Variants in COL1A2 observed in about 807,000 individuals in gnomAD.
The protein encoded by COL1A2 is collagen alpha-2(I) chain.
In COL1A2, 49 loss-of-function variants were observed where a neutral mutation model predicts 174.3. The observed-to-expected ratio is 0.28, with a 90% confidence interval of 0.22 to 0.36. COL1A2 has a LOEUF of 0.36. Among genes scored for constraint, COL1A2 ranks in the 10% least tolerant of loss-of-function variants. The pLI is 1.00. For synonymous variants in COL1A2, 655 were observed against 606.6 expected (o/e 1.08, Z -1.17); for missense variants, 1,438 against 1,822.7 (o/e 0.79, Z 3.84).
intron 31 of COL1A2, among the ~76,000 whole-genome samples, chr7:94,417,256 T>G (rs1792061093): frequency 6.6e-6 from 1 of 152,188 alleles, no homozygotes; most frequent in Non-Finnish European, 1.5e-5. Context: ...CAACAGGTTT[T>G]AAGTATGTGG....
chr7:94,404,807 T>G, intron 8 of COL1A2, 32 bp from the exon 9 acceptor site: 1 of 1,614,174 alleles, frequency 6.2e-7, no homozygotes, highest in African/African-American at 1.3e-5. Flanking sequence ...GAATATAACC[T>G]TAGTGAAATG....
chr7:94,399,493 A>C (rs1488817415), intron 4 of COL1A2, among the ~76,000 whole-genome samples: 3 of 152,188 alleles, frequency 2.0e-5, no homozygotes, highest in Admixed American at 2.0e-4. Context: ...CTCTGCTCAA[A>C]TTCATGCATG....
intron 33 of COL1A2, among the ~76,000 whole-genome samples, chr7:94,418,973 A>G (rs1792097911): frequency 1.3e-5 from 2 of 150,736 alleles, no homozygotes; most frequent in African/African-American, 4.9e-5. Flanking sequence ...TTTATCACCC[A>G]AAGAGCAGCC....
At chr7:94,419,654 C>A in intron 34 of COL1A2, 103 bp downstream of exon 34, 2 of 1,275,014 alleles carry the variant, frequency 1.6e-6, no homozygotes, top group Non-Finnish European at 2.3e-6. Context: ...TGGTATAAAG[C>A]CTACTTATTT....
At chr7:94,425,046 T>A in intron 41 of COL1A2, 71 bp from the exon 42 acceptor site, 1 of 1,300,022 alleles carries the variant, frequency 7.7e-7, no homozygotes, top group Non-Finnish European at 1.1e-6. Flanking sequence ...CTGAGTAGGG[T>A]TGTTTTGGAG....
chr7:94,409,257 C>G, intron 16 of COL1A2, 65 bp from the exon 17 acceptor site: 1 of 1,416,522 alleles, frequency 7.1e-7, no homozygotes, highest in Non-Finnish European at 1.0e-6. Flanking sequence ...AACTTGGCAT[C>G]TTAAAAACAG....
chr7:94,407,927 G>A (rs1306038562), intron 13 of COL1A2, 36 bp downstream of exon 13: 1 of 1,575,102 alleles, frequency 6.3e-7, no homozygotes, highest in African/African-American at 1.3e-5. Flanking sequence ...ATTTAAATGT[G>A]TACACTCTTT....
At chr7:94,412,510 C>T (rs1459280437) in intron 24 of COL1A2, 74 bp from the exon 25 acceptor site, 5 of 1,115,680 alleles carry the variant, frequency 4.5e-6, no homozygotes, top group Admixed American at 3.8e-5. Flanking sequence ...CTGTTTCATC[C>T]GTGGCAGCAT....
At chr7:94,415,697 G>A (rs550391368) in intron 30 of COL1A2, among the ~76,000 whole-genome samples, 9 of 152,236 alleles carry the variant, frequency 5.9e-5, no homozygotes, top group African/African-American at 1.7e-4. Flanking sequence ...ATGGGTATTA[G>A]CATCACTGAA....
chr7:94,427,757 A>G lies in COL1A2; in HGVS notation c.3398A>G (p.Tyr1133Cys). Residue 1133 changes from tyrosine to cysteine, a missense_variant, in exon 49 of 52, where the codon TAT becomes TGT. Around this residue, in one of 3 missense-constraint regions of COL1A2, gnomAD observed 290 missense variants for 298.1 expected, o/e 0.97. Coordinates refer to ENST00000297268, the MANE Select transcript of COL1A2 (RefSeq NM_000089.4). ...RSAPSLRPKD[Y>C]EVDATLKSLN... is the part of the protein sequence containing the mutation. ...GCACCTTCTCTCAGACCCAAGGACT[A>G]TGAAGTTGATGCTACTCTGAAGTCT... 1 of 1,614,112 alleles carries G rather than the reference A, an allele frequency of 6.2e-7. No individual in the cohort carries two copies. The highest frequency in any genetic ancestry group is 8.5e-7 in the Non-Finnish European group (1 of 1,180,028).
chr7:94,421,443 T>G (rs976291055), intron 38 of COL1A2: 2 of 388,474 alleles, frequency 5.1e-6, no homozygotes, highest in Non-Finnish European at 9.5e-6. Flanking sequence ...TTTACTGACT[T>G]CTTCTCTCAC....
chr7:94,405,812 A>G lies in COL1A2; in HGVS notation c.540+86A>G, dbSNP rs1791782935. ...GTATGTTTAAAATCTTGGGTGACAT[A>G]TACTCACTTTCAAATCCCTGGAGTT... On this transcript the variant is annotated intron_variant, in intron 11 of 51. Coordinates refer to ENST00000297268, the MANE Select transcript of COL1A2 (RefSeq NM_000089.4). 13 of 1,055,776 alleles carry G rather than the reference A, an allele frequency of 1.2e-5. No individual in the cohort carries two copies. The South Asian group carries it at 1.5e-4, about 12-fold the overall frequency. The allele number at this position is 1,055,776 out of a possible 1,614,324, so 65.4% of individuals were successfully genotyped here.
chr7:94,420,497 G>A, intron 36 of COL1A2, 44 bp from the exon 37 acceptor site: 1 of 1,614,084 alleles, frequency 6.2e-7, no homozygotes, highest in Non-Finnish European at 8.5e-7. Flanking sequence ...TTGGGGAGTA[G>A]AGTGGGTCGG....
Position 94,428,416 on chromosome 7 carries a change from A to G in COL1A2, c.3650A>G (p.Tyr1217Cys). The change falls in exon 50 of 52, where the codon TAT becomes TGT. Residue 1217 changes from tyrosine to cysteine, a missense_variant. Physicochemically the swap from Tyr to Cys is radical, Grantham distance 194 (BLOSUM62 -2). Coordinates refer to ENST00000297268, the MANE Select transcript of COL1A2 (RefSeq NM_000089.4). ...GAAAACATCCCAGCCAAGAACTGGTATAGGAGCTCCAAGGACAAGAAACAC... is the reference window on the plus strand; with the variant it reads ...GAAAACATCCCAGCCAAGAACTGGTGTAGGAGCTCCAAGGACAAGAAACAC... The part of the protein sequence containing the change: ...QPENIPAKNW[Y>C]RSSKDKKHVW... 6.2e-7 allele frequency: 1 copy of G among 1,614,070 alleles called. No homozygotes were observed. Among genetic ancestry groups the G allele is most frequent in the Non-Finnish European group, 8.5e-7 (1 of 1,179,938 alleles).
chr7:94,409,920 T>A (rs1791883275), intron 19 of COL1A2, 99 bp downstream of exon 19: 15 of 1,215,086 alleles, frequency 1.2e-5, no homozygotes, highest in Non-Finnish European at 1.8e-5. Flanking sequence ...ATTATTCCTA[T>A]TTTTCTCTTC....
At chr7:94,406,374 A>G in intron 12 of COL1A2, 71 bp downstream of exon 12, 3 of 1,390,142 alleles carry the variant, frequency 2.2e-6, no homozygotes, top group Non-Finnish European at 2.0e-6. Context: ...AAAAAAGTAT[A>G]TTATACTGAA....
chr7:94,409,897 C>T (rs1791883006), intron 19 of COL1A2, 76 bp downstream of exon 19: 2 of 1,383,092 alleles, frequency 1.4e-6, no homozygotes, highest in African/African-American at 1.4e-5. Context: ...TCTAGACTTC[C>T]ACTTGTAGTT....
At chr7:94,398,474 T>C in intron 3 of COL1A2, 78 bp downstream of exon 3, 1 of 610,930 alleles carries the variant, frequency 1.6e-6, no homozygotes, top group South Asian at 2.4e-5. Flanking sequence ...TAGTAGACTA[T>C]AGAAGGAAAA....
At chr7:94,411,231 T>C (rs747526695) in intron 23 of COL1A2, 77 bp downstream of exon 23, 4 of 1,179,078 alleles carry the variant, frequency 3.4e-6, no homozygotes, top group Non-Finnish European at 4.9e-6. Flanking sequence ...ATATTGAAGA[T>C]AACAATAAAA....
Sources: gnomAD v4.1 joint callset for allele counts (sites outside exome capture counted in the v4.1 genomes callset) on GRCh38, gnomAD v4.1.1 for gene constraint, gnomAD v4.1.1 regional missense constraint, MANE v1.5 for transcripts, NCBI Gene and HGNC (gene_info 2026-07-23, HGNC 2026-07-21) for gene names.